Variants in FAM53A observed in about 807,000 individuals in gnomAD.
The protein encoded by FAM53A is family with sequence similarity 53 member A, also known as protein FAM53A.
In FAM53A, 28 loss-of-function variants were observed where a neutral mutation model predicts 26.6. The observed-to-expected ratio is 1.05, with a 90% CI of 0.78 to 1.45. The LOEUF (loss-of-function observed/expected upper bound fraction) is 1.45, where lower values mean the gene tolerates loss of function less well. Ranked by LOEUF, FAM53A falls within the 40% of genes most tolerant of loss-of-function variation. The probability of loss-of-function intolerance (pLI) is 0.00; values close to 1 mark genes in which losing one functional copy is unlikely to be tolerated. For missense variants in FAM53A, 650 were observed against 575.8 expected, an observed-to-expected ratio of 1.13 and a Z score of -1.32; for synonymous variants, 290 against 253.1, an observed-to-expected ratio of 1.15 and a Z score of -1.38.
At chr4:1,652,154 T>TCA (rs374084814) in intron 4 of FAM53A, among the ~76,000 whole-genome samples, 2 of 54,826 alleles carry the variant, frequency 3.6e-5, no homozygotes, top group African/African-American at 7.6e-5. Flanking sequence ...ACACCACACG[T>TCA]CACACACACA....
At chr4:1,618,865 G>A (rs1235247650) in intron 1 of FAM53A, among the ~76,000 whole-genome samples, 1 of 152,136 alleles carries the variant, frequency 6.6e-6, no homozygotes, top group Non-Finnish European at 1.5e-5. Context: ...TCACTGGGCT[G>A]GGCTGAGGCC....
the FAM53A span, among the ~76,000 whole-genome samples, chr4:1,611,962 C>T: frequency 6.6e-6 from 1 of 152,184 alleles, no homozygotes; most frequent in African/African-American, 2.4e-5. Flanking sequence ...AAGAATGTAT[C>T]GCACAAATCA....
intron 4 of FAM53A, among the ~76,000 whole-genome samples, chr4:1,647,068 C>T (rs1210434093): frequency 6.6e-6 from 1 of 152,166 alleles, no homozygotes; most frequent in African/African-American, 2.4e-5. Flanking sequence ...GGCATGGTGG[C>T]TTATGCCTGT....
the FAM53A span, among the ~76,000 whole-genome samples, chr4:1,588,407 G>A: frequency 6.6e-6 from 1 of 152,226 alleles, no homozygotes; most frequent in Non-Finnish European, 1.5e-5. Context: ...CTTATGAACA[G>A]AATGTGGCAG....
chr4:1,640,568 A>G lies in FAM53A; in HGVS notation c.*725T>C. 2.9e-6 allele frequency: 1 copy of G among 339,394 alleles called. No homozygotes were observed. Among genetic ancestry groups the G allele is most frequent in the Non-Finnish European group, 5.6e-6 (1 of 179,386 alleles). The allele number at this position is 339,394 out of a possible 1,614,324, so 21.0% of individuals were successfully genotyped here. On this transcript the variant is annotated 3_prime_UTR_variant, in exon 5 of 5. Coordinates refer to ENST00000308132, the MANE Select transcript of FAM53A (RefSeq NM_001174070.3). The stretch of plus-strand genomic sequence containing the variant: ...CCATAAAAATGCAAAATGCTTCTTT[A>G]GGAAAAACTGAATCAAAATTACGCC...
chr4:1,587,429 T>G, the FAM53A span, among the ~76,000 whole-genome samples: 2 of 152,172 alleles, frequency 1.3e-5, no homozygotes, highest in Non-Finnish European at 2.9e-5. Context: ...CCCAGCACTT[T>G]GAAAGGCCGA....
In FAM53A at chr4:1,654,976, A is replaced by C; in HGVS notation, c.882+2T>G. 6.6e-7 allele frequency: 1 copy of C among 1,513,958 alleles called. No individual in the cohort carries two copies. The highest frequency in any genetic ancestry group is 8.9e-7 in the Non-Finnish European group (1 of 1,128,892). The allele number at this position is 1,513,958 out of a possible 1,614,324, so 93.8% of individuals were successfully genotyped here. ...GAGCCCCTGGAAATAAGAAAGCCTC[A>C]CCTGGGTCATTTTCAGGAAGTCCAA... On this transcript the variant is annotated splice_donor_variant, in intron 4 of 4. Transcript: ENST00000308132. LOFTEE classifies it high-confidence loss of function.
chr4:1,607,094 C>A, the FAM53A span, among the ~76,000 whole-genome samples: 1 of 152,362 alleles, frequency 6.6e-6, no homozygotes, highest in East Asian at 1.9e-4. Flanking sequence ...TCTCAGCTCA[C>A]TGCAACCTCT....
At chr4:1,652,229 T>TAC (rs142090008) in intron 4 of FAM53A, among the ~76,000 whole-genome samples, 38,653 of 106,306 alleles carry the variant, frequency 0.36, 5,919 homozygotes, top group Middle Eastern at 0.61. Flanking sequence ...CCACACACAC[T>TAC]AGTCGCACAC....
In FAM53A at chr4:1,640,555, A is replaced by C. The variant is rs1233827263; in HGVS notation, c.*738T>G. 3.0e-6 allele frequency: 1 copy of C among 335,558 alleles called. No homozygotes were observed. Among genetic ancestry groups the C allele is most frequent in the African/African-American group, 2.3e-5 (1 of 43,804 alleles). The allele number at this position is 335,558 out of a possible 1,614,324, so 20.8% of individuals were successfully genotyped here. ...CGAACTGCAAAAGCCATAAAAATGC[A>C]AAATGCTTCTTTAGGAAAAACTGAA... is the stretch of plus-strand genomic sequence containing the variant. On this transcript the variant is annotated 3_prime_UTR_variant, in exon 5 of 5. Transcript: ENST00000308132.
chr4:1,631,365 G>T (rs1166953752), intron 1 of FAM53A, among the ~76,000 whole-genome samples: 7 of 152,250 alleles, frequency 4.6e-5, no homozygotes, highest in Admixed American at 3.3e-4. Flanking sequence ...GGGCCTCAGT[G>T]TGGGGCAGTG....
At chr4:1,617,370 C>T (rs1399911754), downstream of FAM53A, among the ~76,000 whole-genome samples, 1 of 152,144 alleles carries the variant, frequency 6.6e-6, no homozygotes, top group South Asian at 2.1e-4. Flanking sequence ...ATTACTTATA[C>T]GTGGCTCATG....
chr4:1,664,749 G>C (rs894158277), intron 2 of FAM53A, among the ~76,000 whole-genome samples: 1 of 152,118 alleles, frequency 6.6e-6, no homozygotes, highest in South Asian at 2.1e-4. Context: ...AGCCTGAAGC[G>C]GGTGGATCAC....
At chr4:1,626,287 C>A (rs529970201) in intron 1 of FAM53A, among the ~76,000 whole-genome samples, 1 of 152,216 alleles carries the variant, frequency 6.6e-6, no homozygotes, top group Non-Finnish European at 1.5e-5. Context: ...CATGAACAGA[C>A]GGTGGCCGTC....
In FAM53A at chr4:1,668,284, C is replaced by T. The variant is rs575572814; in HGVS notation, c.75+383G>A. ...CCTCCCGAGCAGCTGGGACTACAGG[C>T]GCCTGCTACCGTGCCCGGCTAATTT... On this transcript the variant is annotated intron_variant, in intron 2 of 4. Transcript: ENST00000308132. Among the ~76,000 whole-genome samples the T allele has an allele frequency of 2.0e-5, 3 of 152,106 alleles. No individual in the cohort carries two copies. The South Asian group carries it at 6.2e-4, about 32-fold the overall frequency.
chr4:1,595,016 C>A, the FAM53A span, among the ~76,000 whole-genome samples: 24 of 152,236 alleles, frequency 1.6e-4, no homozygotes, highest in Non-Finnish European at 2.8e-4. Flanking sequence ...GCCACCCCAT[C>A]CCCCCACAGG....
At chr4:1,594,999 G>A in the FAM53A span, among the ~76,000 whole-genome samples, 1 of 152,206 alleles carries the variant, frequency 6.6e-6, no homozygotes, top group Admixed American at 6.5e-5. Context: ...GGCCCACTGG[G>A]CCATCTGCCA....
the FAM53A span, among the ~76,000 whole-genome samples, chr4:1,579,269 G>A: frequency 1.7e-5 from 2 of 121,200 alleles, no homozygotes; most frequent in South Asian, 2.8e-4. Flanking sequence ...GGCCCCGCCC[G>A]CGCCTGCTGG....
chr4:1,650,140 G>A (rs1450731830), intron 4 of FAM53A, among the ~76,000 whole-genome samples: 1 of 139,522 alleles, frequency 7.2e-6, no homozygotes, highest in African/African-American at 2.7e-5. Context: ...GTTTGACTGT[G>A]AGGTGGCACA....
Sources: allele counts gnomAD v4.1 joint callset (sites outside exome capture counted in the v4.1 genomes callset), GRCh38; gene constraint gnomAD v4.1.1; transcripts MANE v1.5; gene names NCBI Gene and HGNC (gene_info 2026-07-23, HGNC 2026-07-21).